GRM7: variants seen among roughly 807,000 people sequenced by gnomAD.
GRM7 encodes the protein metabotropic glutamate receptor 7.
In GRM7, 35 loss-of-function variants were observed where a neutral mutation model predicts 84.5. That is an observed-to-expected ratio of 0.41 (90% CI 0.32 to 0.55). The LOEUF (loss-of-function observed/expected upper bound fraction) is 0.55. GRM7 is among the 20% of genes least tolerant of loss of function. The pLI, the probability that GRM7 is intolerant of heterozygous loss-of-function variation, is 0.19. For synonymous variants in GRM7, 487 were observed against 455.1 expected (o/e 1.07, Z -0.89); for missense variants, 1,003 against 1,194.6 (o/e 0.84, Z 2.36).
At chr3:7,000,168 C>CTTTTTTTTTTTTTTTTTTT (rs35703323) in intron 1 of GRM7, among the ~76,000 whole-genome samples, 1 of 77,750 alleles carries the variant, frequency 1.3e-5, no homozygotes. Flanking sequence ...GAGGTTGTGA[C>CTTTTTTTTTTTTTTTTTTT]TTTTTTTTTT....
At chr3:7,290,783 G>A (rs1423309694) in intron 2 of GRM7, among the ~76,000 whole-genome samples, 4 of 152,080 alleles carry the variant, frequency 2.6e-5, no homozygotes, top group Non-Finnish European at 4.4e-5. Flanking sequence ...GAAAACTTCT[G>A]GGGGTGTTCA....
At chr3:7,117,218 C>G (rs1574926083) in intron 1 of GRM7, among the ~76,000 whole-genome samples, 2 of 152,102 alleles carry the variant, frequency 1.3e-5, no homozygotes, top group East Asian at 3.9e-4. Flanking sequence ...GTGTTGTGTC[C>G]TGGCACTAAG....
At chr3:7,619,069 G>T (rs570908592) in intron 8 of GRM7, among the ~76,000 whole-genome samples, 1 of 152,266 alleles carries the variant, frequency 6.6e-6, no homozygotes, top group African/African-American at 2.4e-5. Flanking sequence ...ACACAGATGG[G>T]ACAGGAAAGG....
At chr3:7,215,828 C>T (rs1241668935) in intron 2 of GRM7, among the ~76,000 whole-genome samples, 1 of 152,076 alleles carries the variant, frequency 6.6e-6, no homozygotes, top group Non-Finnish European at 1.5e-5. Context: ...TACATTTGCT[C>T]TCTTAGTCAC....
chr3:7,126,236 A>G (rs1693394978), intron 1 of GRM7, among the ~76,000 whole-genome samples: 1 of 152,192 alleles, frequency 6.6e-6, no homozygotes, highest in African/African-American at 2.4e-5. Context: ...TCTATCCCAA[A>G]ATAGGCTGCT....
intron 9 of GRM7, among the ~76,000 whole-genome samples, chr3:7,689,271 T>C (rs544292195): frequency 2.2e-4 from 33 of 152,346 alleles, no homozygotes; most frequent in African/African-American, 6.5e-4. Context: ...TTTATTGTAA[T>C]GAATGGGATT....
intron 1 of GRM7, among the ~76,000 whole-genome samples, chr3:6,868,023 A>T (rs1417924667): frequency 1.3e-5 from 2 of 152,206 alleles, no homozygotes; most frequent in African/African-American, 2.4e-5. Context: ...CCGACTTTCT[A>T]ATCTTTTTTC....
intron 7 of GRM7, among the ~76,000 whole-genome samples, chr3:7,507,766 C>G (rs1700081457): frequency 6.6e-6 from 1 of 152,070 alleles, no homozygotes; most frequent in South Asian, 2.1e-4. Context: ...TATTTTATTT[C>G]TCTTTTAAAT....
At chr3:7,120,153 A>T (rs987125574) in intron 1 of GRM7, among the ~76,000 whole-genome samples, 1 of 152,092 alleles carries the variant, frequency 6.6e-6, no homozygotes, top group Non-Finnish European at 1.5e-5. Context: ...GGTAATCCTG[A>T]GTATTACAAA....
rs1164961076 is a variant in GRM7, at chr3:7,259,953, G to GTTTTTTTTTTTTTTTTTTTTTT, written c.737-38719_737-38718insTTTTTTTTTTTTTTTTTTTTTT. ...TTTCTCTGCAACCTTACCAGCATCT[G>GTTTTTTTTTTTTTTTTTTTTTT]TTTTTTTTTTTTGACGTTTTAATAA... On this transcript the variant is annotated intron_variant, in intron 2 of 9. Transcript: ENST00000357716. 1.4e-3 allele frequency among the ~76,000 whole-genome samples: 123 copies of GTTTTTTTTTTTTTTTTTTTTTT among 89,644 alleles called. 15 individuals are homozygous for GTTTTTTTTTTTTTTTTTTTTTT. The highest frequency in any genetic ancestry group is 6.7e-3 in the African/African-American group (115 of 17,056). The allele number at this position is 89,644 out of a possible 152,430, so 58.8% of individuals were successfully genotyped here. A position where few individuals can be genotyped will look rare whatever the true frequency, so the allele number is the denominator to read the frequency against.
intron 1 of GRM7, among the ~76,000 whole-genome samples, chr3:7,031,969 T>A (rs1388829446): frequency 6.6e-6 from 1 of 152,144 alleles, no homozygotes; most frequent in African/African-American, 2.4e-5. Flanking sequence ...TTAACCTACC[T>A]GTCCTCTAGC....
intron 1 of GRM7, among the ~76,000 whole-genome samples, chr3:6,966,999 C>T (rs1489015896): frequency 6.6e-6 from 1 of 152,006 alleles, no homozygotes; most frequent in Non-Finnish European, 1.5e-5. Flanking sequence ...TAAATAATAT[C>T]AGGTATGTGA....
Position 7,167,953 on chromosome 3 carries a change from G to A in GRM7, c.736+21285G>A, listed in dbSNP as rs974675613. ...CACTGCACTCTAGTCTAGCCTGGGC[G>A]ACTGAGCGAGACTCTGTCTCAAAAA... On this transcript the variant is annotated intron_variant, in intron 2 of 9. Coordinates refer to ENST00000357716, the MANE Select transcript of GRM7 (RefSeq NM_000844.4). Among the ~76,000 whole-genome samples, 7 of 131,172 alleles carry A rather than the reference G, an allele frequency of 5.3e-5. No homozygotes were observed. The East Asian group carries it at 6.6e-4, about 12-fold the overall frequency. The allele number at this position is 131,172 out of a possible 152,430, so 86.1% of individuals were successfully genotyped here.
intron 7 of GRM7, among the ~76,000 whole-genome samples, chr3:7,472,484 C>G (rs894202341): frequency 6.6e-6 from 1 of 152,100 alleles, no homozygotes; most frequent in African/African-American, 2.4e-5. Flanking sequence ...ATATAGAATC[C>G]CCCACTGAGT....
chr3:6,887,127 G>A (rs1214612857), intron 1 of GRM7, among the ~76,000 whole-genome samples: 1 of 151,340 alleles, frequency 6.6e-6, no homozygotes, highest in Non-Finnish European at 1.5e-5. Context: ...TTCTCCCACT[G>A]TTTAAACTGA....
intron 1 of GRM7, among the ~76,000 whole-genome samples, chr3:7,068,131 A>G (rs1041926455): frequency 3.9e-5 from 6 of 152,130 alleles, no homozygotes; most frequent in Middle Eastern, 6.8e-3. Flanking sequence ...ATTGCATGGA[A>G]ATGAAAAATA....
intron 4 of GRM7, among the ~76,000 whole-genome samples, chr3:7,400,104 A>T (rs768618656): frequency 3.3e-5 from 5 of 152,196 alleles, no homozygotes; most frequent in Non-Finnish European, 5.9e-5. Context: ...AATTGTTAAG[A>T]ATATAGGCTT....
intron 7 of GRM7, among the ~76,000 whole-genome samples, chr3:7,474,511 C>A (rs1183018422): frequency 2.0e-5 from 3 of 151,602 alleles, no homozygotes; most frequent in African/African-American, 7.3e-5. Context: ...GAGAAAAGTC[C>A]CCCTTGATCC....
intron 2 of GRM7, among the ~76,000 whole-genome samples, chr3:7,189,720 G>A (rs1695644135): frequency 1.3e-5 from 2 of 152,112 alleles, no homozygotes; most frequent in African/African-American, 4.8e-5. Flanking sequence ...GTACCTATAA[G>A]CAAGGAGAAA....
Sources: allele counts gnomAD v4.1 joint callset (sites outside exome capture counted in the v4.1 genomes callset), GRCh38; gene constraint gnomAD v4.1.1; transcripts MANE v1.5; gene names NCBI Gene and HGNC (gene_info 2026-07-23, HGNC 2026-07-21).